The following MTO1 variants were observed in gnomAD, a reference collection of about 807,000 sequenced individuals.
MTO1 encodes 5-taurinomethyluridine-[tRNA] synthase subunit MTO1, mitochondrial.
In MTO1, 46 loss-of-function variants were observed where a neutral mutation model predicts 71.6. The ratio of observed to expected loss-of-function variants is 0.64; its 90% CI spans 0.51 to 0.82. MTO1 has a LOEUF of 0.82. Ranked by LOEUF, MTO1 falls within the 40% of genes least tolerant of loss-of-function variation. The pLI, the probability that MTO1 is intolerant of heterozygous loss-of-function variation, is 0.00. For synonymous variants in MTO1, 297 were observed against 312.1 expected (o/e 0.95, Z 0.51); for missense variants, 773 against 867.5 (o/e 0.89, Z 1.37).
chr6:73,473,259 T>C (rs977862967), intron 3 of MTO1, 106 bp from the exon 4 acceptor site: 10 of 1,209,380 alleles, frequency 8.3e-6, no homozygotes, highest in Non-Finnish European at 4.5e-6. Flanking sequence ...AGCCTGGCGA[T>C]AGAGTGAGAC....
At chr6:73,469,602 A>G (rs992482217) in intron 3 of MTO1, among the ~76,000 whole-genome samples, 2 of 149,500 alleles carry the variant, frequency 1.3e-5, no homozygotes, top group East Asian at 4.2e-4. Context: ...AGCCTGGGCG[A>G]CAAGAGTGAG....
intron 4 of MTO1, among the ~76,000 whole-genome samples, chr6:73,478,434 T>C (rs1771392489): frequency 6.6e-6 from 1 of 151,966 alleles, no homozygotes; most frequent in African/African-American, 2.4e-5. Flanking sequence ...AAATAATTGA[T>C]GGTCCTAGTT....
At chr6:73,483,640 G>A (rs1387169104) in intron 9 of MTO1, among the ~76,000 whole-genome samples, 1 of 151,744 alleles carries the variant, frequency 6.6e-6, no homozygotes, top group African/African-American at 2.4e-5. Context: ...TTTTTGAGAT[G>A]GAGTTTCACT....
rs199913708 is a variant in MTO1 at position 73,480,335 on chromosome 6, C to T, written c.1129+209C>T. 2 of 699,998 alleles carry T rather than the reference C, an allele frequency of 2.9e-6. No homozygotes were observed. The highest frequency in any genetic ancestry group is 1.5e-5 in the South Asian group (1 of 66,992). 43.4% of individuals were successfully genotyped at this position (699,998 alleles called of 1,614,324 possible). ...TTGCCCAGGATGGAGTGCAATGGTG[C>T]GATCTCGGCTCACCACAACCTCCCC... is the stretch of plus-strand genomic sequence containing the variant. On this transcript the variant is annotated intron_variant, in intron 6 of 11. Coordinates refer to ENST00000498286, the MANE Select transcript of MTO1 (RefSeq NM_012123.4).
At chr6:73,495,113 TCACCTTG>T (rs1771948934) in intron 10 of MTO1, among the ~76,000 whole-genome samples, 1 of 152,086 alleles carries the variant, frequency 6.6e-6, no homozygotes. Flanking sequence ...CAAAGGCCTA[TCACCTTG>T]CAATGCTTTG....
chr6:73,499,618 G>T (rs1772099352), intron 11 of MTO1, among the ~76,000 whole-genome samples: 1 of 152,074 alleles, frequency 6.6e-6, no homozygotes, highest in African/African-American at 2.4e-5. Flanking sequence ...CATATGACTA[G>T]TGGCTACCAT....
intron 7 of MTO1, 116 bp from the exon 8 acceptor site, chr6:73,481,924 A>AG: frequency 9.5e-7 from 1 of 1,051,868 alleles, no homozygotes; most frequent in Non-Finnish European, 1.5e-6. Flanking sequence ...TATATCCCTT[A>AG]GGGGCAATAC....
chr6:73,463,376 T>C (rs1292813276), intron 1 of MTO1, among the ~76,000 whole-genome samples: 1 of 152,148 alleles, frequency 6.6e-6, no homozygotes, highest in Non-Finnish European at 1.5e-5. Context: ...TTGTCGTCCC[T>C]GGATTTTGTG....
At chr6:73,497,217 A>G (rs1460037450) in intron 10 of MTO1, among the ~76,000 whole-genome samples, 2 of 118,400 alleles carry the variant, frequency 1.7e-5, no homozygotes, top group Admixed American at 1.1e-4. Context: ...CAATAGCGCT[A>G]TATCGGCTCA....
intron 9 of MTO1, among the ~76,000 whole-genome samples, chr6:73,491,684 A>G (rs1339825053): frequency 6.6e-6 from 1 of 152,200 alleles, no homozygotes; most frequent in Non-Finnish European, 1.5e-5. Flanking sequence ...ATGAAAGGAA[A>G]GACAAATGGA....
chr6:73,490,540 A>G (rs549255800), intron 9 of MTO1, among the ~76,000 whole-genome samples: 14 of 151,996 alleles, frequency 9.2e-5, no homozygotes, highest in Non-Finnish European at 2.1e-4. Flanking sequence ...TGGGTTTTCT[A>G]TTACACTGGT....
intron 4 of MTO1, among the ~76,000 whole-genome samples, chr6:73,475,727 G>A (rs889940671): frequency 4.6e-5 from 7 of 151,948 alleles, no homozygotes; most frequent in Admixed American, 3.9e-4. Context: ...GGTCAGGCTG[G>A]TCACGAGCTC....
At chr6:73,472,957 A>G (rs555488849) in intron 3 of MTO1, among the ~76,000 whole-genome samples, 10 of 152,310 alleles carry the variant, frequency 6.6e-5, no homozygotes, top group African/African-American at 2.4e-4. Context: ...GTCACATTCC[A>G]TTTTGATCCA....
At chr6:73,471,474 G>A (rs1443291287) in intron 3 of MTO1, 3 of 448,662 alleles carry the variant, frequency 6.7e-6, no homozygotes, top group Non-Finnish European at 1.3e-5. Flanking sequence ...GAGTGCAGTG[G>A]CATGATCACA....
In MTO1 at chr6:73,501,851, T is replaced by C. The variant is rs1014789910; in HGVS notation, c.*1116T>C. 3.3e-5 allele frequency: 5 copies of C among 152,216 alleles called. No individual in the cohort carries two copies. Among genetic ancestry groups the C allele is most frequent in the African/African-American group, 1.2e-4 (5 of 41,460 alleles). The allele number at this position is 152,216 out of a possible 1,614,324, so 9.4% of individuals were successfully genotyped here. A position where few individuals can be genotyped will look rare whatever the true frequency, so the allele number is the denominator to read the frequency against. ...AAGTCACTTTGGCTACAGATGTGTA[T>C]GTTAAGCCTGATTATGGGTGTGAGG... On this transcript the variant is annotated 3_prime_UTR_variant, in exon 12 of 12. Coordinates refer to ENST00000498286, the MANE Select transcript of MTO1 (RefSeq NM_012123.4).
chr6:73,477,829 ATC>A (rs1771371447), intron 4 of MTO1, among the ~76,000 whole-genome samples: 1 of 151,986 alleles, frequency 6.6e-6, no homozygotes, highest in Admixed American at 6.6e-5. Context: ...TTTATTCCCA[ATC>A]AAGGGTCATG....
rs558822138 is a variant in MTO1 at position 73,480,294 on chromosome 6, C to T, written c.1129+168C>T. 6.5e-5 allele frequency: 53 copies of T among 819,378 alleles called. No homozygotes were observed. The highest frequency in any genetic ancestry group is 3.7e-4 in the African/African-American group (22 of 59,330). 50.8% of individuals were successfully genotyped at this position (819,378 alleles called of 1,614,324 possible). A position where few individuals can be genotyped will look rare whatever the true frequency, so the allele number is the denominator to read the frequency against. On this transcript the variant is annotated intron_variant, in intron 6 of 11. Transcript: ENST00000498286. ...GTTTGTTTGTTTGTTTGTTTTGAGACGGAGTTTTGCTCTTGTTGCCCAGGA... is the reference window on the plus strand; with the variant it reads ...GTTTGTTTGTTTGTTTGTTTTGAGATGGAGTTTTGCTCTTGTTGCCCAGGA...
rs1231878317 is a variant in MTO1, at chr6:73,461,754, T to A, written c.-101T>A. On this transcript the variant is annotated 5_prime_UTR_variant, in exon 1 of 12. Coordinates refer to ENST00000498286, the MANE Select transcript of MTO1 (RefSeq NM_012123.4). The stretch of plus-strand genomic sequence containing the variant: ...ACGTAGACGTCCTACCCCGTGATAT[T>A]AAAGCAAGATGGCCGCGCCCTGCAG... 1.5e-6 allele frequency: 2 copies of A among 1,317,104 alleles called. No individual in the cohort carries two copies. Among genetic ancestry groups the A allele is most frequent in the Non-Finnish European group, 2.1e-6 (2 of 946,100 alleles). The allele number at this position is 1,317,104 out of a possible 1,614,324, so 81.6% of individuals were successfully genotyped here.
chr6:73,462,076 G>C lies in MTO1; in HGVS notation c.217+5G>C. On this transcript the variant is annotated splice_donor_5th_base_variant and intron_variant, in intron 1 of 11. Transcript: ENST00000498286. The stretch of plus-strand genomic sequence containing the variant: ...CTCACCGCGTGGACACGATCGGTGA[G>C]GAGCGCGGGTGCTGTGGAACTTGGC... 6.2e-7 allele frequency: 1 copy of C among 1,612,452 alleles called. No homozygotes were observed. Among genetic ancestry groups the C allele is most frequent in the Non-Finnish European group, 8.5e-7 (1 of 1,179,208 alleles).
Sources: allele counts gnomAD v4.1 joint callset (sites outside exome capture counted in the v4.1 genomes callset), GRCh38; gene constraint gnomAD v4.1.1; transcripts MANE v1.5; gene names NCBI Gene and HGNC (gene_info 2026-07-23, HGNC 2026-07-21).